The following LRMDA variants were observed in gnomAD, a reference collection of about 807,000 sequenced individuals.
LRMDA encodes the protein leucine rich melanocyte differentiation associated.
In LRMDA, 18 loss-of-function variants were observed where a neutral mutation model predicts 29.8. The observed-to-expected ratio is 0.60, with a 90% confidence interval of 0.42 to 0.90. The LOEUF (loss-of-function observed/expected upper bound fraction) is 0.90, where lower values mean the gene tolerates loss of function less well. LRMDA is among the 40% of genes least tolerant of loss of function. LRMDA has a pLI of 0.00. For missense variants in LRMDA, 273 were observed against 273.9 expected (o/e 1.00, Z 0.02); for synonymous variants, 125 against 109.4 (o/e 1.14, Z -0.89).
chr10:76,261,537 G>T (rs1356829056), intron 5 of LRMDA, among the ~76,000 whole-genome samples: 1 of 152,000 alleles, frequency 6.6e-6, no homozygotes, highest in Non-Finnish European at 1.5e-5. Flanking sequence ...ATTAATGCTG[G>T]GCATGCAAAA....
At chr10:75,661,666 AG>A (rs1211561471) in intron 2 of LRMDA, among the ~76,000 whole-genome samples, 3 of 152,218 alleles carry the variant, frequency 2.0e-5, no homozygotes, top group Admixed American at 6.5e-5. Context: ...GGTAATTTTC[AG>A]GCAGGTGATA....
intron 2 of LRMDA, among the ~76,000 whole-genome samples, chr10:75,689,842 A>G (rs1244361440): frequency 6.6e-6 from 1 of 152,198 alleles, no homozygotes; most frequent in Non-Finnish European, 1.5e-5. Flanking sequence ...GGTCCTTTCC[A>G]GGCTGCAGCC....
chr10:75,665,852 C>T (rs1464442436), intron 2 of LRMDA, among the ~76,000 whole-genome samples: 2 of 152,138 alleles, frequency 1.3e-5, no homozygotes, highest in African/African-American at 4.8e-5. Flanking sequence ...TCTAGAAATG[C>T]AAATGAATTG....
At chr10:75,784,330 A>G (rs1843435422) in intron 2 of LRMDA, among the ~76,000 whole-genome samples, 2 of 152,226 alleles carry the variant, frequency 1.3e-5, no homozygotes, top group Non-Finnish European at 2.9e-5. Flanking sequence ...GTATATACAA[A>G]ACAAAACATG....
chr10:76,298,519 A>T (rs1411673670), intron 5 of LRMDA, among the ~76,000 whole-genome samples: 1 of 152,138 alleles, frequency 6.6e-6, no homozygotes, highest in Non-Finnish European at 1.5e-5. Context: ...GAGGAAATGA[A>T]CTCTGACTTA....
chr10:76,472,262 T>C (rs146460286), intron 6 of LRMDA, among the ~76,000 whole-genome samples: 7 of 151,868 alleles, frequency 4.6e-5, no homozygotes, highest in African/African-American at 1.7e-4. Context: ...ATTAATAAAT[T>C]TGGGGAATTC....
rs182363332 is a variant in LRMDA, at chr10:76,094,555, T to G, written c.516+35772T>G. Among the ~76,000 whole-genome samples the G allele has an allele frequency of 2.1e-4, 32 of 152,248 alleles. No individual in the cohort carries two copies. In the East Asian group the frequency reaches 3.5e-3, roughly 17 times the overall value. On this transcript the variant is annotated intron_variant, in intron 5 of 6. Transcript: ENST00000611255. Reference sequence around the variant, plus strand: ...TATTATTTTTAATTTTGAAAATATATATTACATCATTATTCCAGGAAATTA... The same window carrying G: ...TATTATTTTTAATTTTGAAAATATAGATTACATCATTATTCCAGGAAATTA...
chr10:75,837,094 TGATATA>T (rs1844451537), intron 2 of LRMDA, among the ~76,000 whole-genome samples: 2 of 152,146 alleles, frequency 1.3e-5, no homozygotes. Context: ...ATATAGATAT[TGATATA>T]GATAGAGATG....
intron 5 of LRMDA, among the ~76,000 whole-genome samples, chr10:76,292,611 A>T (rs1421449910): frequency 6.6e-6 from 1 of 152,134 alleles, no homozygotes; most frequent in Non-Finnish European, 1.5e-5. Flanking sequence ...TGAAATAATG[A>T]TAGGCTTTAC....
At chr10:76,339,033 G>A (rs7086222) in intron 6 of LRMDA, among the ~76,000 whole-genome samples, 16,476 of 152,104 alleles carry the variant, frequency 0.11, 1,050 homozygotes, top group East Asian at 0.32. Flanking sequence ...GAAGACTTTA[G>A]CACATCTCCT....
intron 2 of LRMDA, among the ~76,000 whole-genome samples, chr10:75,964,074 G>A (rs1331128063): frequency 1.3e-5 from 2 of 152,002 alleles, no homozygotes; most frequent in African/African-American, 2.4e-5. Context: ...TTTTTTTCAC[G>A]TTCATATTAT....
chr10:75,545,065 C>G (rs189224492), intron 2 of LRMDA, among the ~76,000 whole-genome samples: 5 of 152,108 alleles, frequency 3.3e-5, no homozygotes, highest in African/African-American at 9.7e-5. Context: ...GAGGCATTCT[C>G]CCCCACTCTT....
chr10:76,135,520 C>A (rs1850077835), intron 5 of LRMDA, among the ~76,000 whole-genome samples: 1 of 152,154 alleles, frequency 6.6e-6, no homozygotes, highest in Non-Finnish European at 1.5e-5. Flanking sequence ...ACTGCTGTAA[C>A]AAAGCACAAC....
chr10:76,001,669 A>G (rs920262743), intron 2 of LRMDA, among the ~76,000 whole-genome samples: 1 of 151,610 alleles, frequency 6.6e-6, no homozygotes, highest in African/African-American at 2.4e-5. Context: ...ACATTTATTA[A>G]TCTTAGTTTT....
At chr10:76,474,905 G>A (rs1842651550) in intron 6 of LRMDA, among the ~76,000 whole-genome samples, 1 of 151,574 alleles carries the variant, frequency 6.6e-6, no homozygotes, top group Non-Finnish European at 1.5e-5. Context: ...ACAAAATTTG[G>A]TCATTAATAT....
At chr10:76,405,858 C>G (rs1841897123) in intron 6 of LRMDA, among the ~76,000 whole-genome samples, 1 of 152,172 alleles carries the variant, frequency 6.6e-6, no homozygotes, top group Admixed American at 6.5e-5. Flanking sequence ...ATCTTTCTCT[C>G]TCTGTGTCAT....
chr10:76,480,930 G>A (rs899730127), intron 6 of LRMDA, among the ~76,000 whole-genome samples: 3 of 151,878 alleles, frequency 2.0e-5, no homozygotes, highest in African/African-American at 4.8e-5. Context: ...TTGGGACAGC[G>A]ACTCAATGGT....
chr10:76,514,356 A>C (rs567877725), intron 6 of LRMDA, among the ~76,000 whole-genome samples: 1 of 152,286 alleles, frequency 6.6e-6, no homozygotes, highest in Admixed American at 6.5e-5. Flanking sequence ...TCCTCATCAA[A>C]GGGCCAGTTG....
At chr10:75,626,934 A>T (rs1217976262) in intron 2 of LRMDA, among the ~76,000 whole-genome samples, 1 of 152,192 alleles carries the variant, frequency 6.6e-6, no homozygotes, top group Non-Finnish European at 1.5e-5. Flanking sequence ...GGGCTTTGAC[A>T]CTAATTTACT....
Sources: allele counts gnomAD v4.1 joint callset (sites outside exome capture counted in the v4.1 genomes callset), GRCh38; gene constraint gnomAD v4.1.1; transcripts MANE v1.5; gene names NCBI Gene and HGNC (gene_info 2026-07-23, HGNC 2026-07-21).